Variants in SYCP2L observed in about 807,000 individuals in gnomAD.
The protein encoded by SYCP2L is synaptonemal complex protein 2 like.
SYCP2L carries 98 observed loss-of-function variants against 125.8 expected under a neutral mutation model. The ratio of observed to expected loss-of-function variants is 0.78; its 90% CI spans 0.66 to 0.92. SYCP2L has a LOEUF of 0.92. SYCP2L is among the 40% of genes least tolerant of loss of function. The pLI, the probability that SYCP2L is intolerant of heterozygous loss-of-function variation, is 0.00. For synonymous variants in SYCP2L, 317 were observed against 325.4 expected (o/e 0.97, Z 0.28); for missense variants, 842 against 936.4 (o/e 0.90, Z 1.32).
chr6:10,907,892 G>GTTTTTTTTTTTTTTTTTT (rs551103839), intron 10 of SYCP2L, among the ~76,000 whole-genome samples: 5,569 of 91,678 alleles, frequency 0.061, 1,141 homozygotes, highest in Non-Finnish European at 0.072. Flanking sequence ...ATACAGATAG[G>GTTTTTTTTTTTTTTTTTT]TTTTTTTTTT....
At chr6:10,956,365 TCAGAAA>T in intron 25 of SYCP2L, 123 bp downstream of exon 25, 4 of 739,470 alleles carry the variant, frequency 5.4e-6, no homozygotes, top group Non-Finnish European at 8.6e-6. Flanking sequence ...AAAGTTGAAC[TCAGAAA>T]CAGGGAGGAG....
chr6:10,928,259 G>A, intron 17 of SYCP2L, 144 bp from the exon 18 acceptor site: 1 of 485,618 alleles, frequency 2.1e-6, no homozygotes, highest in East Asian at 3.6e-5. Context: ...GAAATCACAA[G>A]GGGAAGTGAT....
intron 29 of SYCP2L, among the ~76,000 whole-genome samples, chr6:10,967,685 T>G (rs9393818): frequency 0.46 from 69,541 of 151,876 alleles, 16,431 homozygotes; most frequent in East Asian, 0.69. Flanking sequence ...ATCCAACCAA[T>G]AAACAATAAG....
intron 23 of SYCP2L, among the ~76,000 whole-genome samples, chr6:10,948,877 C>T (rs1287454009): frequency 6.6e-6 from 1 of 151,972 alleles, no homozygotes. Context: ...ACTGATATAC[C>T]CAAGTTCTCT....
At position 10,910,865 on chromosome 6, in the gene SYCP2L, A is replaced by G. The variant is rs780296023; in HGVS notation, c.914A>G (p.His305Arg). ...TGTATTGCTGCTTTTGCTGATGAGCATGAGGTATGTTCATCCCTCTTGGAG... is the reference window on the plus strand; with the variant it reads ...TGTATTGCTGCTTTTGCTGATGAGCGTGAGGTATGTTCATCCCTCTTGGAG... ...FPCIAAFADE[H>R]EMRKPADEKL... The change falls in exon 12 of 30, where the codon CAT becomes CGT. Residue 305 changes from histidine to arginine, a missense_variant. Coordinates refer to ENST00000283141, the MANE Select transcript of SYCP2L (RefSeq NM_001040274.3). The G allele has an allele frequency of 9.3e-6, 15 of 1,614,042 alleles. No homozygotes were observed. The highest frequency in any genetic ancestry group is 1.0e-5 in the Non-Finnish European group (12 of 1,179,986).
chr6:10,903,845 A>T (rs570307211), intron 8 of SYCP2L, among the ~76,000 whole-genome samples: 3 of 152,002 alleles, frequency 2.0e-5, no homozygotes, highest in Non-Finnish European at 4.4e-5. Context: ...TTTTGCTTCA[A>T]CGTTGTGAGG....
At chr6:10,891,651 G>GC in intron 2 of SYCP2L, 70 bp downstream of exon 2, 3 of 816,236 alleles carry the variant, frequency 3.7e-6, no homozygotes, top group South Asian at 1.8e-5. Flanking sequence ...GTGTGTGTGT[G>GC]TGTGTGTGTG....
intron 20 of SYCP2L, among the ~76,000 whole-genome samples, chr6:10,932,916 G>T (rs557167852): frequency 1.3e-5 from 2 of 152,272 alleles, no homozygotes; most frequent in Non-Finnish European, 1.5e-5. Context: ...ACCACGCCCA[G>T]CTAATGTTTG....
rs547089019 is a variant in SYCP2L, at chr6:10,891,546, G to T, written c.43G>T (p.Asp15Tyr). 32 of 1,604,182 alleles carry T rather than the reference G, an allele frequency of 2.0e-5. No homozygotes were observed. In the South Asian group the frequency reaches 3.2e-4, roughly 16 times the overall value. ...NKDALQPIKEDRTGKAQDDAF... is the reference protein window; with the variant it reads ...NKDALQPIKEYRTGKAQDDAF... ...AGATGCTTTGCAGCCTATTAAGGAA[G>T]ACAGGACTGGGAAGGCCCAGGATGA... is the stretch of plus-strand genomic sequence containing the variant. The change falls in exon 2 of 30, where the codon GAC becomes TAC. Residue 15 changes from aspartate to tyrosine, a missense_variant. Physicochemically the swap from Asp to Tyr is radical, Grantham distance 160. Coordinates refer to ENST00000283141, the MANE Select transcript of SYCP2L (RefSeq NM_001040274.3).
chr6:10,910,344 G>C, intron 11 of SYCP2L, 144 bp downstream of exon 11: 1 of 740,204 alleles, frequency 1.4e-6, no homozygotes, highest in Non-Finnish European at 2.2e-6. Flanking sequence ...CCATTGAGTG[G>C]AAACCTGAGA....
At chr6:10,921,486 C>T (rs995940797) in intron 14 of SYCP2L, among the ~76,000 whole-genome samples, 25 of 152,126 alleles carry the variant, frequency 1.6e-4, no homozygotes, top group Admixed American at 5.2e-4. Context: ...AACTAATTTA[C>T]GCTCCCACCA....
chr6:10,960,255 G>C (rs6919499), intron 26 of SYCP2L, among the ~76,000 whole-genome samples: 1 of 152,090 alleles, frequency 6.6e-6, no homozygotes, highest in Non-Finnish European at 1.5e-5. Flanking sequence ...TATTTGAATA[G>C]AAATTTTTAC....
chr6:10,958,935 T>C, intron 26 of SYCP2L, 60 bp downstream of exon 26: 1 of 1,455,978 alleles, frequency 6.9e-7, no homozygotes, highest in Middle Eastern at 1.7e-4. Context: ...ACAGCGTTTA[T>C]CTCATGACCA....
rs752035498 is a variant in SYCP2L, at chr6:10,902,755, A to G, written c.545A>G (p.Gln182Arg). 1 of 1,614,200 alleles carries G rather than the reference A, an allele frequency of 6.2e-7. No homozygotes were observed. Among genetic ancestry groups the G allele is most frequent in the East Asian group, 2.2e-5 (1 of 44,878 alleles). Residue 182 changes from glutamine (Q) to arginine (R), a missense_variant, in exon 7 of 30, where the codon CAA becomes CGA. Physicochemically the swap from Gln to Arg is conservative, Grantham distance 43 (BLOSUM62 1). Coordinates refer to ENST00000283141, the MANE Select transcript of SYCP2L (RefSeq NM_001040274.3). ...GAAAAGACTGTAAATCATTTGCTTCAACAGGAGGTGAGTTGCAAGTAACAA... is the reference window on the plus strand; with the variant it reads ...GAAAAGACTGTAAATCATTTGCTTCGACAGGAGGTGAGTTGCAAGTAACAA... ...VTEKTVNHLL[Q>R]QEGLKTFNCI...
chr6:10,938,616 T>A (rs996026901), intron 21 of SYCP2L, among the ~76,000 whole-genome samples: 3 of 152,234 alleles, frequency 2.0e-5, no homozygotes, highest in Admixed American at 6.5e-5. Context: ...TTAAATTGTT[T>A]TTGTTTAAAG....
chr6:10,950,827 A>G (rs1303977864), intron 23 of SYCP2L, among the ~76,000 whole-genome samples: 1 of 152,036 alleles, frequency 6.6e-6, no homozygotes, highest in African/African-American at 2.4e-5. Context: ...CACCCAACGG[A>G]TTTTTGTAAT....
intron 5 of SYCP2L, 80 bp from the exon 6 acceptor site, chr6:10,898,744 T>G: frequency 1.0e-6 from 1 of 967,124 alleles, no homozygotes; most frequent in Non-Finnish European, 1.6e-6. Flanking sequence ...TAGAGAAAGT[T>G]AACACTAATA....
chr6:10,906,157 A>G, intron 9 of SYCP2L, 103 bp downstream of exon 9: 1 of 669,194 alleles, frequency 1.5e-6, no homozygotes, highest in East Asian at 2.7e-5. Context: ...GTTAAATTGA[A>G]GATAGGAATC....
chr6:10,936,856 AGAT>A (rs1460717151), intron 21 of SYCP2L, among the ~76,000 whole-genome samples: 2 of 152,260 alleles, frequency 1.3e-5, no homozygotes, highest in African/African-American at 4.8e-5. Context: ...GACAAAGACT[AGAT>A]GATGATAAAA....
Sources: allele counts gnomAD v4.1 joint callset (sites outside exome capture counted in the v4.1 genomes callset), GRCh38; gene constraint gnomAD v4.1.1; transcripts MANE v1.5; gene names NCBI Gene and HGNC (gene_info 2026-07-23, HGNC 2026-07-21).